Variants in KDM4C observed in about 807,000 individuals in gnomAD.
KDM4C encodes the protein lysine-specific demethylase 4C.
KDM4C carries 81 observed loss-of-function variants against 129.3 expected under a neutral mutation model. That is an observed-to-expected ratio of 0.63 (90% confidence interval 0.52 to 0.75). The LOEUF (loss-of-function observed/expected upper bound fraction) is 0.75, where lower values mean the gene tolerates loss of function less well. Among genes scored for constraint, KDM4C ranks in the 30% least tolerant of loss-of-function variants. KDM4C has a pLI of 0.00. For synonymous variants in KDM4C, 573 were observed against 456.1 expected (o/e 1.26, Z -3.26); for missense variants, 1,457 against 1,304.0 (o/e 1.12, Z -1.81).
At chr9:6,728,943 C>T (rs537994440) in intron 1 of KDM4C, among the ~76,000 whole-genome samples, 9 of 151,234 alleles carry the variant, frequency 6.0e-5, no homozygotes, top group African/African-American at 1.7e-4. Flanking sequence ...CGGTGGTTCA[C>T]GCCTGTAATC....
At chr9:6,820,061 A>G (rs1227161481) in intron 4 of KDM4C, among the ~76,000 whole-genome samples, 1 of 152,128 alleles carries the variant, frequency 6.6e-6, no homozygotes, top group Non-Finnish European at 1.5e-5. Context: ...ATGGGGAGAT[A>G]AGAGAAGTAA....
intron 18 of KDM4C, among the ~76,000 whole-genome samples, chr9:7,126,825 T>C (rs761240368): frequency 1.1e-4 from 16 of 151,052 alleles, no homozygotes; most frequent in Non-Finnish European, 2.2e-4. Flanking sequence ...AAACATCTTA[T>C]CAGACAAGAT....
chr9:6,725,069 A>G (rs1193367518), intron 1 of KDM4C, among the ~76,000 whole-genome samples: 2 of 151,922 alleles, frequency 1.3e-5, no homozygotes, highest in Non-Finnish European at 1.5e-5. Context: ...CATTGTTTCA[A>G]TCTCTTGCTT....
chr9:6,742,641 C>T (rs1444220073), intron 1 of KDM4C, among the ~76,000 whole-genome samples: 1 of 142,320 alleles, frequency 7.0e-6, no homozygotes, highest in African/African-American at 2.6e-5. Context: ...TGGTATTGTT[C>T]ACAGATTCCT....
chr9:6,975,148 C>A (rs1014826044), intron 8 of KDM4C, among the ~76,000 whole-genome samples: 4 of 152,156 alleles, frequency 2.6e-5, no homozygotes, highest in Non-Finnish European at 5.9e-5. Context: ...GGAGACATAT[C>A]CTGGCACAGT....
intron 19 of KDM4C, among the ~76,000 whole-genome samples, chr9:7,128,661 C>G (rs1840283576): frequency 6.6e-6 from 1 of 151,408 alleles, no homozygotes; most frequent in African/African-American, 2.4e-5. Flanking sequence ...TAATCTGACT[C>G]GACAGTGTAT....
intron 1 of KDM4C, among the ~76,000 whole-genome samples, chr9:6,749,785 G>C (rs1265371991): frequency 6.6e-6 from 1 of 151,634 alleles, no homozygotes; most frequent in East Asian, 1.9e-4. Flanking sequence ...TCAGGAGTTC[G>C]AGGCCAGCCT....
chr9:6,930,414 G>A (rs554231253), intron 8 of KDM4C, among the ~76,000 whole-genome samples: 5 of 151,144 alleles, frequency 3.3e-5, no homozygotes, highest in South Asian at 2.1e-4. Context: ...AATAAAGCAC[G>A]CGTTGAATTT....
intron 19 of KDM4C, among the ~76,000 whole-genome samples, chr9:7,161,330 G>A (rs746304092): frequency 6.6e-6 from 1 of 152,156 alleles, no homozygotes; most frequent in Admixed American, 6.5e-5. Flanking sequence ...CCCTCTGTGG[G>A]CTGCACCCAC....
intron 1 of KDM4C, among the ~76,000 whole-genome samples, chr9:6,760,445 G>GTGTATATATATATA (rs139577101): frequency 1.4e-5 from 2 of 142,524 alleles, no homozygotes; most frequent in African/African-American, 5.2e-5. Context: ...CTACTCTTGG[G>GTGTATATATATATA]TATATATATA....
intron 5 of KDM4C, among the ~76,000 whole-genome samples, chr9:6,859,889 A>T (rs12376520): frequency 0.19 from 28,246 of 150,476 alleles, 3,369 homozygotes; most frequent in Middle Eastern, 0.36. Context: ...AAAGACTCAG[A>T]ATTATTTAGA....
At chr9:6,811,982 T>A (rs1179744027) in intron 3 of KDM4C, among the ~76,000 whole-genome samples, 3 of 152,210 alleles carry the variant, frequency 2.0e-5, no homozygotes, top group Non-Finnish European at 4.4e-5. Flanking sequence ...AGCCAAGTCA[T>A]TTATTTTGTT....
At chr9:6,994,797 G>A (rs1175101263) in intron 12 of KDM4C, among the ~76,000 whole-genome samples, 1 of 152,170 alleles carries the variant, frequency 6.6e-6, no homozygotes, top group Admixed American at 6.5e-5. Flanking sequence ...CAATATAAAT[G>A]TGATAAATTA....
chr9:6,817,196 C>T (rs1428285484), intron 4 of KDM4C, among the ~76,000 whole-genome samples: 2 of 20,052 alleles, frequency 1.0e-4, no homozygotes, highest in African/African-American at 2.8e-4. Flanking sequence ...CCTCCCCCTG[C>T]CCCCCCCCCC....
At chr9:6,978,912 T>G (rs1363307547) in intron 8 of KDM4C, 1 of 151,968 alleles carries the variant, frequency 6.6e-6, no homozygotes, top group East Asian at 1.9e-4. Flanking sequence ...TAGCATCATC[T>G]GAGCAAACAA....
intron 1 of KDM4C, among the ~76,000 whole-genome samples, chr9:6,763,036 G>T (rs147623579): frequency 1.8e-4 from 28 of 151,888 alleles, no homozygotes; most frequent in East Asian, 3.9e-4. Context: ...CCGCTGGTGG[G>T]GGGGGATGGA....
chr9:6,759,175 CAG>C lies in KDM4C; in HGVS notation c.-18+975_-18+976del, dbSNP rs539164797. On this transcript the variant is annotated intron_variant, in intron 1 of 21. Transcript: ENST00000381309. ...TGTTCGGAAATGTAGGTTAGAAAAG[CAG>C]AGTCACTTTTATCCTGGTGAAAGTT... Among the ~76,000 whole-genome samples, 6 of 152,284 alleles carry C rather than the reference CAG, an allele frequency of 3.9e-5. No homozygotes were observed. The East Asian group carries it at 7.7e-4, about 20-fold the overall frequency.
chr9:6,870,548 G>A (rs998201811), intron 5 of KDM4C, among the ~76,000 whole-genome samples: 3 of 152,106 alleles, frequency 2.0e-5, no homozygotes, highest in African/African-American at 7.2e-5. Flanking sequence ...TGTTATCAGT[G>A]CTCAATAAAT....
At chr9:7,025,601 A>T (rs983858319) in intron 15 of KDM4C, among the ~76,000 whole-genome samples, 4 of 152,018 alleles carry the variant, frequency 2.6e-5, no homozygotes, top group Admixed American at 6.6e-5. Flanking sequence ...ACAACCACTT[A>T]ACATTGCATA....
Sources: gnomAD v4.1 joint callset for allele counts (sites outside exome capture counted in the v4.1 genomes callset) on GRCh38, gnomAD v4.1.1 for gene constraint, MANE v1.5 for transcripts, NCBI Gene and HGNC (gene_info 2026-07-23, HGNC 2026-07-21) for gene names.